DOCK3: variants seen among roughly 807,000 people sequenced by gnomAD.
The protein encoded by DOCK3 is dedicator of cytokinesis protein 3.
Under a neutral mutation model 265.6 loss-of-function variants are expected in DOCK3, and 60 were observed. The observed-to-expected ratio is 0.23, with a 90% CI of 0.18 to 0.28. The LOEUF is 0.28. Among genes scored for constraint, DOCK3 ranks in the 10% least tolerant of loss-of-function variants. The pLI, the probability that DOCK3 is intolerant of heterozygous loss-of-function variation, is 1.00. For missense variants in DOCK3, 1,981 were observed against 2,594.3 expected, an observed-to-expected ratio of 0.76 and a Z score of 5.14; for synonymous variants, 881 against 938.0, an observed-to-expected ratio of 0.94 and a Z score of 1.11.
intron 2 of DOCK3, among the ~76,000 whole-genome samples, chr3:50,837,469 A>G (rs2045577333): frequency 6.6e-6 from 1 of 152,322 alleles, no homozygotes; most frequent in Non-Finnish European, 1.5e-5. Flanking sequence ...AAAGCTCCTT[A>G]TAAAACCTTC....
chr3:51,034,464 T>G (rs926377003), intron 5 of DOCK3, among the ~76,000 whole-genome samples: 6 of 152,096 alleles, frequency 3.9e-5, no homozygotes. Flanking sequence ...TTGGAGTTAG[T>G]ATTGTTCCAC....
At chr3:50,734,571 G>A (rs969454883) in intron 1 of DOCK3, among the ~76,000 whole-genome samples, 1 of 139,278 alleles carries the variant, frequency 7.2e-6, no homozygotes, top group Non-Finnish European at 1.5e-5. Context: ...CAAATACTCT[G>A]AATTTTATTA....
chr3:50,750,322 A>ATTT (rs34249464), intron 1 of DOCK3, among the ~76,000 whole-genome samples: 3 of 73,634 alleles, frequency 4.1e-5, no homozygotes, highest in Admixed American at 1.4e-4. Flanking sequence ...TCTACCTTTG[A>ATTT]TTTTTTTTTT....
At chr3:51,319,975 TC>T (rs1376939245) in intron 32 of DOCK3, among the ~76,000 whole-genome samples, 1 of 152,194 alleles carries the variant, frequency 6.6e-6, no homozygotes. Context: ...ATGTCTTTTT[TC>T]TTCTCAATAC....
chr3:50,711,636 T>C (rs999427984), intron 1 of DOCK3, among the ~76,000 whole-genome samples: 2 of 152,310 alleles, frequency 1.3e-5, no homozygotes, highest in East Asian at 3.9e-4. Context: ...TATTACTTTG[T>C]AGTTTTTGTT....
intron 12 of DOCK3, among the ~76,000 whole-genome samples, 182 bp downstream of exon 12, chr3:51,160,884 G>A (rs1202817462): frequency 6.6e-6 from 1 of 151,960 alleles, no homozygotes; most frequent in Non-Finnish European, 1.5e-5. Flanking sequence ...AGACCATTCT[G>A]GCTAACACGG....
At chr3:51,218,000 C>G (rs1280422016) in intron 14 of DOCK3, among the ~76,000 whole-genome samples, 3 of 151,726 alleles carry the variant, frequency 2.0e-5, no homozygotes, top group Admixed American at 2.0e-4. Flanking sequence ...CGCCTGTAAT[C>G]CCAGCTACTC....
intron 5 of DOCK3, among the ~76,000 whole-genome samples, chr3:50,972,674 G>T (rs1443397856): frequency 1.3e-5 from 2 of 152,204 alleles, no homozygotes; most frequent in African/African-American, 2.4e-5. Context: ...TGGGTGCGGA[G>T]AAATGTCTGC....
intron 2 of DOCK3, among the ~76,000 whole-genome samples, chr3:50,790,785 CTG>C (rs1318239056): frequency 1.3e-5 from 2 of 152,098 alleles, no homozygotes; most frequent in African/African-American, 4.8e-5. Flanking sequence ...AACCTGATGA[CTG>C]TGTGCCTGGG....
chr3:51,043,121 G>A (rs528599234), intron 5 of DOCK3, among the ~76,000 whole-genome samples: 1 of 152,200 alleles, frequency 6.6e-6, no homozygotes, highest in East Asian at 1.9e-4. Flanking sequence ...CCAAAAAAGA[G>A]CCTGAATAGC....
At chr3:51,295,247 T>C (rs1390609210) in intron 27 of DOCK3, among the ~76,000 whole-genome samples, 1 of 152,238 alleles carries the variant, frequency 6.6e-6, no homozygotes, top group African/African-American at 2.4e-5. Context: ...CTCAGGCTGC[T>C]TCCACTCATG....
At chr3:51,067,426 T>TC (rs2081632571) in intron 6 of DOCK3, among the ~76,000 whole-genome samples, 1 of 118,298 alleles carries the variant, frequency 8.5e-6, no homozygotes, top group African/African-American at 3.5e-5. Context: ...ATGAAATATG[T>TC]TTGTGTGTGT....
intron 11 of DOCK3, among the ~76,000 whole-genome samples, chr3:51,160,075 T>C (rs1179899722): frequency 6.6e-6 from 1 of 152,236 alleles, no homozygotes; most frequent in East Asian, 1.9e-4. Context: ...TCATCCACTT[T>C]CTAAGACTAC....
intron 9 of DOCK3, among the ~76,000 whole-genome samples, chr3:51,092,967 TTG>T (rs910303265): frequency 6.6e-6 from 1 of 152,214 alleles, no homozygotes; most frequent in African/African-American, 2.4e-5. Flanking sequence ...TGTGTTAAGT[TTG>T]TCAAAGATCA....
chr3:50,733,241 T>C (rs2038330419), intron 1 of DOCK3, among the ~76,000 whole-genome samples: 1 of 152,206 alleles, frequency 6.6e-6, no homozygotes, highest in Non-Finnish European at 1.5e-5. Flanking sequence ...CTTAGGTCCA[T>C]TTGGTTTATT....
intron 12 of DOCK3, among the ~76,000 whole-genome samples, chr3:51,200,062 G>A (rs529056258): frequency 2.0e-4 from 30 of 152,082 alleles, no homozygotes; most frequent in African/African-American, 7.2e-4. Context: ...ACCAAAAGTA[G>A]ATAAAACCAC....
chr3:51,276,528 A>T, intron 25 of DOCK3: 3 of 670,980 alleles, frequency 4.5e-6, no homozygotes, highest in Non-Finnish European at 5.5e-6. Context: ...CCAAAGATAC[A>T]TCACTGGTAA....
intron 2 of DOCK3, among the ~76,000 whole-genome samples, chr3:50,808,835 A>G (rs1576499812): frequency 6.6e-6 from 1 of 152,234 alleles, no homozygotes; most frequent in East Asian, 1.9e-4. Context: ...GATGCTCTTT[A>G]CAATAAGTGA....
At chr3:50,858,860 C>CTATTTTTCTT (rs1436602381) in intron 3 of DOCK3, among the ~76,000 whole-genome samples, 2 of 151,890 alleles carry the variant, frequency 1.3e-5, no homozygotes, top group South Asian at 4.2e-4. Context: ...TCTTTTTATT[C>CTATTTTTCTT]TATTTTTCTT....
Sources: gnomAD v4.1 joint callset for allele counts (sites outside exome capture counted in the v4.1 genomes callset) on GRCh38, gnomAD v4.1.1 for gene constraint, MANE v1.5 for transcripts, NCBI Gene and HGNC (gene_info 2026-07-23, HGNC 2026-07-21) for gene names.